RTF1: variants seen among roughly 807,000 people sequenced by gnomAD.
RTF1 encodes the protein RNA polymerase-associated protein RTF1 homolog.
Under a neutral mutation model 95.7 loss-of-function variants are expected in RTF1, and 10 were observed. The observed-to-expected ratio is 0.10, with a 90% CI of 0.06 to 0.18. RTF1 has a LOEUF of 0.18. Among genes scored for constraint, RTF1 ranks in the 10% least tolerant of loss-of-function variants. RTF1 has a pLI of 1.00. For synonymous variants in RTF1, 305 were observed against 311.8 expected (o/e 0.98, Z 0.23); for missense variants, 458 against 875.6 (o/e 0.52, Z 6.02).
In RTF1 at chr15:41,462,268, G is replaced by C. The variant is rs139618858; in HGVS notation, c.663-2503G>C. Among the ~76,000 whole-genome samples the C allele has an allele frequency of 6.6e-3, 1,005 of 152,140 alleles. 5 individuals are homozygous for C. Among genetic ancestry groups the C allele is most frequent in the Non-Finnish European group, 0.01 (710 of 68,004 alleles). ...AATCTTTGTAGTCTTTTTTATGTAA[G>C]CACCATTAGCATCCTGTTCTCTAGC... On this transcript the variant is annotated intron_variant, in intron 4 of 17. Transcript: ENST00000389629.
intron 2 of RTF1, 136 bp from the exon 3 acceptor site, chr15:41,452,765 A>AT (rs796429823): frequency 2.8e-5 from 19 of 689,514 alleles, no homozygotes; most frequent in Middle Eastern, 4.3e-4. Flanking sequence ...AAAAATCTGT[A>AT]TTTTTTTTCA....
intron 5 of RTF1, 123 bp from the exon 6 acceptor site, chr15:41,466,018 A>G: frequency 1.7e-6 from 1 of 572,010 alleles, no homozygotes; most frequent in Non-Finnish European, 3.0e-6. Flanking sequence ...CCCTTACATA[A>G]AAGCTCTAAG....
intron 6 of RTF1, among the ~76,000 whole-genome samples, chr15:41,469,725 A>G (rs1595438776): frequency 6.6e-6 from 1 of 152,046 alleles, no homozygotes; most frequent in East Asian, 1.9e-4. Flanking sequence ...GAGTTTCACC[A>G]TGTTGACCAA....
intron 4 of RTF1, among the ~76,000 whole-genome samples, chr15:41,459,301 G>A (rs565471801): frequency 4.0e-5 from 6 of 150,732 alleles, no homozygotes; most frequent in East Asian, 2.0e-4. Context: ...ATTTGAGCCC[G>A]GAATGTAGAG....
chr15:41,418,036 C>T (rs2050580694), intron 1 of RTF1, among the ~76,000 whole-genome samples: 1 of 152,178 alleles, frequency 6.6e-6, no homozygotes, highest in Non-Finnish European at 1.5e-5. Flanking sequence ...CCTCTTGGCC[C>T]TTTCACGCAG....
Position 41,461,784 on chromosome 15 carries a change from C to T in RTF1, c.663-2987C>T, listed in dbSNP as rs191299208. ...GATTACAGGTGTGAGCCACCGTGCC[C>T]GCCGGCCTGGCTAATTTTTCATATT... On this transcript the variant is annotated intron_variant, in intron 4 of 17. Transcript: ENST00000389629. Among the ~76,000 whole-genome samples, 25 of 151,780 alleles carry T rather than the reference C, an allele frequency of 1.6e-4. No individual in the cohort carries two copies. In the South Asian group the frequency reaches 3.1e-3, roughly 19 times the overall value.
At chr15:41,418,517 T>C (rs2050583118) in intron 1 of RTF1, among the ~76,000 whole-genome samples, 1 of 152,144 alleles carries the variant, frequency 6.6e-6, no homozygotes, top group Non-Finnish European at 1.5e-5. Flanking sequence ...GCCAGAGGTC[T>C]CAGTTTGAAA....
chr15:41,471,075 T>C (rs2050909155), intron 7 of RTF1, 97 bp from the exon 8 acceptor site: 3 of 1,167,258 alleles, frequency 2.6e-6, no homozygotes, highest in African/African-American at 1.5e-5. Context: ...GCCAGTCACA[T>C]GTACTTTGGT....
At chr15:41,420,786 A>G (rs2050596526) in intron 1 of RTF1, among the ~76,000 whole-genome samples, 1 of 152,074 alleles carries the variant, frequency 6.6e-6, no homozygotes, top group African/African-American at 2.4e-5. Flanking sequence ...TGGGTTGCTT[A>G]TTTAAAATGT....
intron 8 of RTF1, among the ~76,000 whole-genome samples, chr15:41,473,035 A>G (rs1287074737): frequency 2.0e-5 from 3 of 151,758 alleles, no homozygotes; most frequent in Middle Eastern, 3.2e-3. Flanking sequence ...TTTTGTAGCA[A>G]CAGCCTCTCT....
chr15:41,430,408 A>G (rs1197210183), intron 1 of RTF1, among the ~76,000 whole-genome samples: 1 of 151,558 alleles, frequency 6.6e-6, no homozygotes, highest in African/African-American at 2.4e-5. Context: ...TTTTTGTTGC[A>G]TATTGGTCTA....
intron 9 of RTF1, 93 bp downstream of exon 9, chr15:41,474,795 C>G: frequency 3.3e-6 from 3 of 908,516 alleles, no homozygotes; most frequent in Non-Finnish European, 5.6e-6. Flanking sequence ...TTCCTTGTTA[C>G]CATGAACGCT....
At chr15:41,419,692 G>T (rs190844129) in intron 1 of RTF1, among the ~76,000 whole-genome samples, 14 of 152,290 alleles carry the variant, frequency 9.2e-5, no homozygotes, top group Admixed American at 7.2e-4. Context: ...GCAAATTATT[G>T]TCCTTAGTAG....
chr15:41,455,971 G>C (rs1434693728), intron 3 of RTF1, among the ~76,000 whole-genome samples: 2 of 152,018 alleles, frequency 1.3e-5, no homozygotes, highest in Non-Finnish European at 2.9e-5. Flanking sequence ...CCAGCACTTT[G>C]GGAGGCCAAG....
intron 1 of RTF1, among the ~76,000 whole-genome samples, chr15:41,422,926 A>C (rs2140943960): frequency 6.6e-6 from 1 of 152,270 alleles, no homozygotes; most frequent in East Asian, 1.9e-4. Context: ...GGCGCACGCC[A>C]CCACGTCCAG....
chr15:41,423,214 C>T (rs2140944074), intron 1 of RTF1, among the ~76,000 whole-genome samples: 1 of 152,300 alleles, frequency 6.6e-6, no homozygotes, highest in Admixed American at 6.5e-5. Context: ...GTGTTTTCCG[C>T]ATTAATCAGA....
chr15:41,442,985 C>T (rs1372411959), intron 2 of RTF1, among the ~76,000 whole-genome samples: 1 of 152,156 alleles, frequency 6.6e-6, no homozygotes, highest in Non-Finnish European at 1.5e-5. Context: ...TTATATATGT[C>T]TCTCATACCG....
At chr15:41,472,465 C>G (rs1250258978) in intron 8 of RTF1, among the ~76,000 whole-genome samples, 1 of 152,048 alleles carries the variant, frequency 6.6e-6, no homozygotes. Context: ...TCTCGGCCTC[C>G]CAAAGTGCTG....
intron 16 of RTF1, 129 bp downstream of exon 16, chr15:41,479,327 T>C: frequency 1.6e-6 from 1 of 617,532 alleles, no homozygotes; most frequent in Non-Finnish European, 2.9e-6. Flanking sequence ...GAGTCCCTTC[T>C]CCATCCCAGT....
Sources: gnomAD v4.1 joint callset for allele counts (sites outside exome capture counted in the v4.1 genomes callset) on GRCh38, gnomAD v4.1.1 for gene constraint, MANE v1.5 for transcripts, NCBI Gene and HGNC (gene_info 2026-07-23, HGNC 2026-07-21) for gene names.